The following GPHN variants were observed in gnomAD, a reference collection of about 807,000 sequenced individuals.
GPHN encodes gephyrin.
GPHN carries 17 observed loss-of-function variants against 95.5 expected under a neutral mutation model. The observed-to-expected ratio is 0.18, with a 90% CI of 0.12 to 0.27. The LOEUF is 0.27. Among genes scored for constraint, GPHN ranks in the 10% least tolerant of loss-of-function variants. GPHN has a pLI of 1.00. For synonymous variants in GPHN, 320 were observed against 322.5 expected (o/e 0.99, Z 0.08); for missense variants, 660 against 978.1 (o/e 0.67, Z 4.34).
chr14:67,566,563 G>A, the GPHN span, among the ~76,000 whole-genome samples: 1 of 148,426 alleles, frequency 6.7e-6, no homozygotes, highest in Admixed American at 6.7e-5. Context: ...TGGGCAACAC[G>A]GCGAAACCCC....
the GPHN span, chr14:67,648,967 C>T: frequency 4.6e-5 from 7 of 152,200 alleles, no homozygotes; most frequent in African/African-American, 1.7e-4. Flanking sequence ...TAGAAACTCA[C>T]ATTGAGAAAT....
chr14:67,225,001 A>C, the GPHN span: 2 of 798,140 alleles, frequency 2.5e-6, no homozygotes, highest in Non-Finnish European at 1.9e-6. Context: ...ATTCAAAATA[A>C]GCTCTTTCTC....
chr14:67,284,316 A>C, the GPHN span, among the ~76,000 whole-genome samples: 1 of 151,512 alleles, frequency 6.6e-6, no homozygotes, highest in Non-Finnish European at 1.5e-5. Flanking sequence ...AAGGTTGTGC[A>C]GGCAGGCGTG....
At chr14:66,699,071 A>C (rs917732870) in intron 2 of GPHN, among the ~76,000 whole-genome samples, 1 of 152,206 alleles carries the variant, frequency 6.6e-6, no homozygotes, top group Non-Finnish European at 1.5e-5. Context: ...CTGAGCTATG[A>C]TTTAAACTTA....
At chr14:67,320,414 TCCCA>T in the GPHN span, 2 of 1,574,080 alleles carry the variant, frequency 1.3e-6, no homozygotes, top group Non-Finnish European at 1.7e-6. Flanking sequence ...TTGAATGCAT[TCCCA>T]TTTTCCTGTG....
intron 1 of GPHN, among the ~76,000 whole-genome samples, chr14:66,674,130 G>A (rs978042717): frequency 1.1e-4 from 16 of 145,482 alleles, no homozygotes; most frequent in African/African-American, 3.9e-4. Context: ...ATGGAATCTC[G>A]CTCTGTCCCC....
At chr14:67,559,786 C>G in the GPHN span, 9 of 761,102 alleles carry the variant, frequency 1.2e-5, no homozygotes, top group Non-Finnish European at 1.9e-5. Context: ...TAGGGTGCCT[C>G]GGCTGACCTT....
chr14:66,899,122 C>CTTTTTTTTTTTTTT, intron 5 of GPHN, among the ~76,000 whole-genome samples: 1 of 130,818 alleles, frequency 7.6e-6, no homozygotes, highest in South Asian at 2.4e-4. Flanking sequence ...AGGGCTTTTT[C>CTTTTTTTTTTTTTT]TTTTTTTTTT....
the GPHN span, among the ~76,000 whole-genome samples, chr14:67,248,703 C>G: frequency 6.6e-6 from 1 of 152,162 alleles, no homozygotes; most frequent in Non-Finnish European, 1.5e-5. Context: ...GTACTCAGTT[C>G]TGTTGTTAGA....
chr14:67,212,839 G>C, the GPHN span, among the ~76,000 whole-genome samples: 1 of 151,512 alleles, frequency 6.6e-6, no homozygotes, highest in Admixed American at 6.6e-5. Flanking sequence ...AGAGTAGTTT[G>C]CTTTAGCTGC....
chr14:67,048,244 T>C (rs2075134041), intron 10 of GPHN, among the ~76,000 whole-genome samples: 1 of 152,198 alleles, frequency 6.6e-6, no homozygotes, highest in Non-Finnish European at 1.5e-5. Context: ...CCCCTATTCA[T>C]TTTGCGCTGA....
intron 1 of GPHN, among the ~76,000 whole-genome samples, chr14:66,675,507 AT>A (rs933251020): frequency 1.3e-5 from 2 of 152,126 alleles, no homozygotes; most frequent in Non-Finnish European, 2.9e-5. Flanking sequence ...TATTCTGGAC[AT>A]TATTCCCTTG....
chr14:66,738,022 C>G (rs1210975513), intron 2 of GPHN, among the ~76,000 whole-genome samples: 1 of 152,134 alleles, frequency 6.6e-6, no homozygotes. Flanking sequence ...CTTTGGCTGC[C>G]CTCACCATAG....
the GPHN span, among the ~76,000 whole-genome samples, chr14:67,526,972 C>T: frequency 6.6e-6 from 1 of 152,176 alleles, no homozygotes; most frequent in African/African-American, 2.4e-5. Context: ...GATAATAGAC[C>T]TATTGGTTCA....
intron 1 of GPHN, among the ~76,000 whole-genome samples, chr14:66,652,233 C>T (rs1042176091): frequency 6.6e-6 from 1 of 152,026 alleles, no homozygotes. Context: ...GAGTGATAAA[C>T]AATATAGACA....
At chr14:67,257,598 T>TA in the GPHN span, among the ~76,000 whole-genome samples, 36 of 145,654 alleles carry the variant, frequency 2.5e-4, 1 homozygote, top group South Asian at 4.3e-4. Flanking sequence ...AACAGATAAC[T>TA]AAAAAAAAAA....
intron 2 of GPHN, among the ~76,000 whole-genome samples, chr14:66,684,811 T>A (rs991606281): frequency 6.6e-6 from 1 of 152,148 alleles, no homozygotes; most frequent in Non-Finnish European, 1.5e-5. Flanking sequence ...GCAGATTTGT[T>A]ACATATGTGT....
At chr14:67,576,543 A>G in the GPHN span, 1 of 1,000,168 alleles carries the variant, frequency 1.0e-6, no homozygotes, top group Non-Finnish European at 1.6e-6. The surrounding 1 kb of genome is among the most constrained non-coding windows in gnomAD (Gnocchi z 4.0). Flanking sequence ...GTTGGAGGGT[A>G]GTGGCTTGGT....
intron 21 of GPHN, among the ~76,000 whole-genome samples, chr14:67,170,202 G>C (rs2082519301): frequency 1.3e-5 from 2 of 152,132 alleles, no homozygotes; most frequent in South Asian, 4.1e-4. Flanking sequence ...TAAGAACTTT[G>C]TGGACTAGGA....
Sources: gnomAD v4.1 joint callset for allele counts (sites outside exome capture counted in the v4.1 genomes callset) on GRCh38, gnomAD v4.1.1 for gene constraint, Gnocchi (gnomAD v3.1) non-coding constraint, MANE v1.5 for transcripts, NCBI Gene and HGNC (gene_info 2026-07-23, HGNC 2026-07-21) for gene names.